The following RCC1L variants were observed in gnomAD, a reference collection of about 807,000 sequenced individuals.
RCC1L encodes the protein RCC1 like, also known as RCC1-like G exchanging factor-like protein.
A neutral mutation model predicts 58.6 loss-of-function variants in RCC1L; 46 were observed. That is an observed-to-expected ratio of 0.79 (90% CI 0.62 to 1.00). The LOEUF (loss-of-function observed/expected upper bound fraction) is 1.00. Among genes scored for constraint, RCC1L ranks in the 50% least tolerant of loss-of-function variants. The pLI is 0.00. For synonymous variants in RCC1L, 281 were observed against 262.9 expected, an observed-to-expected ratio of 1.07 and a Z score of -0.67; for missense variants, 636 against 623.6, an observed-to-expected ratio of 1.02 and a Z score of -0.21.
chr7:75,046,266 G>A (rs1489340887), intron 10 of RCC1L, among the ~76,000 whole-genome samples: 2 of 152,202 alleles, frequency 1.3e-5, no homozygotes, highest in Non-Finnish European at 2.9e-5. Context: ...AAGGCACGTC[G>A]ATGCAGAAAG....
chr7:75,072,155 CATATACATATATATATATATATATAT>C (rs1257108034), intron 1 of RCC1L, among the ~76,000 whole-genome samples: 8 of 48,150 alleles, frequency 1.7e-4, no homozygotes, highest in African/African-American at 4.8e-4. Flanking sequence ...TATACATATA[CATATACATATATATATATATATATAT>C]ATATATATAT....
At chr7:75,038,987 C>T (rs999275581), downstream of RCC1L, among the ~76,000 whole-genome samples, 45 of 152,190 alleles carry the variant, frequency 3.0e-4, no homozygotes, top group African/African-American at 8.2e-4. Context: ...ACAACAGGCG[C>T]GCGTCACCAC....
At chr7:75,064,502 G>A (rs1401169777) in intron 4 of RCC1L, 80 bp downstream of exon 4, 19 of 1,538,440 alleles carry the variant, frequency 1.2e-5, no homozygotes, top group Admixed American at 3.3e-5. Context: ...ACCGCCCCGC[G>A]GGTTTACCAC....
Position 75,073,653 on chromosome 7 carries a change from C to G in RCC1L, c.85G>C (p.Ala29Pro), listed in dbSNP as rs782565374. Reference sequence around the variant, plus strand: ...TCGCGCCGGCTCCGGGAGCGCCCGGCCGCCGTCCAGTGCCCTCGCCCCAGC... The same window carrying G: ...TCGCGCCGGCTCCGGGAGCGCCCGGGCGCCGTCCAGTGCCCTCGCCCCAGC... ...PGLGRGHWTAAGRSRSRREAA... is the reference protein window; with the variant it reads ...PGLGRGHWTAPGRSRSRREAA... The change falls in exon 1 of 11, where the codon GCC becomes CCC. Residue 29 changes from alanine to proline, a missense_variant. Coordinates refer to ENST00000610322, the MANE Select transcript of RCC1L (RefSeq NM_030798.5). 3 of 1,473,340 alleles carry G rather than the reference C, an allele frequency of 2.0e-6. No individual in the cohort carries two copies. The highest frequency in any genetic ancestry group is 2.7e-6 in the Non-Finnish European group (3 of 1,120,150). The allele number at this position is 1,473,340 out of a possible 1,614,324, so 91.3% of individuals were successfully genotyped here.
At chr7:75,028,012 C>A in exon 11 of RCC1L, 1 of 1,534,664 alleles carries the variant, frequency 6.5e-7, no homozygotes, top group Non-Finnish European at 8.7e-7. Context: ...ACCTGTTTGC[C>A]GTCCATCCCC....
chr7:75,030,369 G>T (rs1666992399), intron 10 of RCC1L, among the ~76,000 whole-genome samples: 1 of 152,230 alleles, frequency 6.6e-6, no homozygotes, highest in Admixed American at 6.5e-5. Flanking sequence ...GTGCAGAAAT[G>T]ATTAGGTGAG....
intron 10 of RCC1L, among the ~76,000 whole-genome samples, chr7:75,032,456 T>C (rs1805328532): frequency 6.6e-6 from 1 of 152,162 alleles, no homozygotes; most frequent in African/African-American, 2.4e-5. Context: ...GGCGGGACAC[T>C]GGGGCTGTGC....
chr7:75,039,041 A>C (rs1416880312), downstream of RCC1L, among the ~76,000 whole-genome samples: 1 of 152,208 alleles, frequency 6.6e-6, no homozygotes, highest in Non-Finnish European at 1.5e-5. Flanking sequence ...GGGTTTTGCC[A>C]TGTTGGCCAG....
intron 10 of RCC1L, among the ~76,000 whole-genome samples, chr7:75,028,341 G>A (rs1467950012): frequency 2.6e-5 from 4 of 152,036 alleles, no homozygotes; most frequent in African/African-American, 9.7e-5. Context: ...CGCTGGTCTT[G>A]AACTCCTGAC....
At position 75,055,990 on chromosome 7, in the gene RCC1L, G is replaced by A. The variant is rs1806065969; in HGVS notation, c.1142C>T (p.Pro381Leu). 7 of 1,613,790 alleles carry A rather than the reference G, an allele frequency of 4.3e-6. No homozygotes were observed. Among genetic ancestry groups the A allele is most frequent in the East Asian group, 2.2e-5 (1 of 44,882 alleles). The change falls in exon 9 of 11, where the codon CCA becomes CTA. Residue 381 changes from proline (P) to leucine (L), a missense_variant. Pro to Leu is a moderately conservative substitution (Grantham distance 98). Coordinates refer to ENST00000610322, the MANE Select transcript of RCC1L (RefSeq NM_030798.5). The part of the protein sequence containing the change: ...LVESAVPEMI[P>L]PTLFGLTEFN... ...CTCCGTCAAGCCAAAGAGAGTGGGT[G>A]GAATCATTTCAGGGACGGCACTTTC... is the stretch of plus-strand genomic sequence containing the variant.
chr7:75,071,815 A>G (rs587643222), intron 1 of RCC1L, among the ~76,000 whole-genome samples: 13 of 152,140 alleles, frequency 8.5e-5, no homozygotes, highest in African/African-American at 3.1e-4. Flanking sequence ...AAAGATGATA[A>G]TAGTACCATC....
chr7:75,058,899 G>C, intron 6 of RCC1L, 130 bp from the exon 7 acceptor site: 1 of 1,165,908 alleles, frequency 8.6e-7, no homozygotes, highest in Non-Finnish European at 1.2e-6. Flanking sequence ...GTCTGGGGCT[G>C]GGTGCAGTGG....
chr7:75,027,766 G>A (rs1027227400), exon 11 of RCC1L: 7 of 516,014 alleles, frequency 1.4e-5, no homozygotes, highest in East Asian at 3.6e-5. Flanking sequence ...CATCCTGCTC[G>A]TGTAAAGCTT....
rs1806820027 is a variant in RCC1L at position 75,072,949 on chromosome 7, A to T, written c.324+465T>A. On this transcript the variant is annotated intron_variant, in intron 1 of 10. Transcript: ENST00000610322. ...AGCGAGACCCTGTCTCTAAAAAATA[A>T]ATTAAAACAAAAAAATCCCCTTTCT... Among the ~76,000 whole-genome samples the T allele has an allele frequency of 2.0e-5, 3 of 152,322 alleles. No individual in the cohort carries two copies. In the South Asian group the frequency reaches 6.2e-4, roughly 32 times the overall value.
chr7:75,059,761 C>G (rs1806214694), intron 6 of RCC1L, among the ~76,000 whole-genome samples: 1 of 151,982 alleles, frequency 6.6e-6, no homozygotes, highest in South Asian at 2.1e-4. Flanking sequence ...TAAAGAAAAT[C>G]TCTAAGAGCC....
In RCC1L at chr7:75,061,242, A is replaced by C. The variant is rs2131999701; in HGVS notation, c.752T>G (p.Val251Gly). 5 of 1,613,740 alleles carry C rather than the reference A, an allele frequency of 3.1e-6. No individual in the cohort carries two copies. The South Asian group carries it at 5.5e-5, about 18-fold the overall frequency. The stretch of plus-strand genomic sequence containing the variant: ...ATCAGCACCCCATCCACAAGAATAG[A>C]CTTCTCCTTTATCCGTCAGGAACAG... The part of the protein sequence containing the change: ...HSLFLTDKGE[V>G]YSCGWGADGQ... Residue 251 changes from valine (V) to glycine (G), a missense_variant, in exon 6 of 11, where the codon GTC (valine) becomes GGC (glycine). Coordinates refer to ENST00000610322, the MANE Select transcript of RCC1L (RefSeq NM_030798.5).
chr7:75,063,352 A>T lies in RCC1L; in HGVS notation c.651-9T>A. The T allele has an allele frequency of 6.2e-7, 1 of 1,613,836 alleles. No homozygotes were observed. The highest frequency in any genetic ancestry group is 8.5e-7 in the Non-Finnish European group (1 of 1,179,822). On this transcript the variant is annotated splice_polypyrimidine_tract_variant and intron_variant, in intron 4 of 10. Transcript: ENST00000610322. ...GGACTCTGTGACTTTCACTACAGCCAGGAACAAATTGGGAAGAAGCAAGGG... is the reference window on the plus strand; with the variant it reads ...GGACTCTGTGACTTTCACTACAGCCTGGAACAAATTGGGAAGAAGCAAGGG...
chr7:75,070,322 G>C (rs367665659), intron 2 of RCC1L, among the ~76,000 whole-genome samples: 1 of 152,186 alleles, frequency 6.6e-6, no homozygotes, highest in East Asian at 1.9e-4. Context: ...TGTAATCACA[G>C]CACTTTGGGA....
intron 5 of RCC1L, among the ~76,000 whole-genome samples, chr7:75,062,212 G>A (rs1183987215): frequency 2.0e-5 from 3 of 151,584 alleles, no homozygotes; most frequent in African/African-American, 7.3e-5. Flanking sequence ...CTTGCACAAA[G>A]TCACTCAGTC....
Sources: allele counts gnomAD v4.1 joint callset (sites outside exome capture counted in the v4.1 genomes callset), GRCh38; gene constraint gnomAD v4.1.1; transcripts MANE v1.5; gene names NCBI Gene and HGNC (gene_info 2026-07-23, HGNC 2026-07-21).